UBALD1: variants seen among roughly 807,000 people sequenced by gnomAD.
The protein encoded by UBALD1 is UBA like domain containing 1.
UBALD1 carries 5 observed loss-of-function variants against 16.1 expected under a neutral mutation model. The observed-to-expected ratio is 0.31, with a 90% CI of 0.16 to 0.66. The LOEUF (loss-of-function observed/expected upper bound fraction) is 0.66, where lower values mean the gene tolerates loss of function less well. Among genes scored for constraint, UBALD1 ranks in the 30% least tolerant of loss-of-function variants. UBALD1 has a pLI of 0.77. For missense variants in UBALD1, 220 were observed against 252.8 expected, an observed-to-expected ratio of 0.87 and a Z score of 0.88; for synonymous variants, 146 against 105.3, an observed-to-expected ratio of 1.39 and a Z score of -2.37.
intron 2 of UBALD1, 36 bp from the exon 3 acceptor site, chr16:4,610,019 C>G: frequency 6.7e-7 from 1 of 1,500,936 alleles, no homozygotes; most frequent in Non-Finnish European, 9.1e-7. Flanking sequence ...GGGTGAGCAC[C>G]CCTTCCTGGA....
Position 4,609,318 on chromosome 16 carries a change from A to G in UBALD1, c.*315T>C. 2 of 275,568 alleles carry G rather than the reference A, an allele frequency of 7.3e-6. No homozygotes were observed. Among genetic ancestry groups the G allele is most frequent in the African/African-American group, 2.2e-5 (1 of 45,798 alleles). 17.1% of individuals were successfully genotyped at this position (275,568 alleles called of 1,614,324 possible). Reference sequence around the variant, plus strand: ...AATGTCTCTGCCAGGGTGGTCCTCCACGGCACCCCTGGGCTGGGCTGGGCA... The same window carrying G: ...AATGTCTCTGCCAGGGTGGTCCTCCGCGGCACCCCTGGGCTGGGCTGGGCA... On this transcript the variant is annotated 3_prime_UTR_variant, in exon 3 of 3. Transcript: ENST00000283474.
intron 1 of UBALD1, 35 bp from the exon 2 acceptor site, chr16:4,610,590 C>T (rs748211225): frequency 6.3e-7 from 1 of 1,587,516 alleles, no homozygotes; most frequent in Admixed American, 1.9e-5. Flanking sequence ...ACCCTCCAGG[C>T]CCCCGCCGGC....
chr16:4,610,487 A>G lies in UBALD1; in HGVS notation c.183+6T>C, dbSNP rs368850278. The G allele has an allele frequency of 1.9e-6, 3 of 1,602,788 alleles. No homozygotes were observed. The highest frequency in any genetic ancestry group is 2.7e-5 in the African/African-American group (2 of 74,634). On this transcript the variant is annotated splice_donor_region_variant and intron_variant, in intron 2 of 2. Coordinates refer to ENST00000283474, the MANE Select transcript of UBALD1 (RefSeq NM_145253.3). Reference sequence around the variant, plus strand: ...ATCCAGAACTGGGGACTCCGGGGACACTTACCATCTGGTGGTGATGGTGGC... The same window carrying G: ...ATCCAGAACTGGGGACTCCGGGGACGCTTACCATCTGGTGGTGATGGTGGC...
At position 4,609,600 on chromosome 16, in the gene UBALD1, G is replaced by C; in HGVS notation, c.*33C>G. On this transcript the variant is annotated 3_prime_UTR_variant, in exon 3 of 3. Coordinates refer to ENST00000283474, the MANE Select transcript of UBALD1 (RefSeq NM_145253.3). ...GACGTCCTCTCCCCCGCCCCACGGG[G>C]TCCTGGCCTCCGGGAGGGGGGAGGG... 1 of 1,023,562 alleles carries C rather than the reference G, an allele frequency of 9.8e-7. No homozygotes were observed. The highest frequency in any genetic ancestry group is 1.3e-6 in the Non-Finnish European group (1 of 749,578). The allele number at this position is 1,023,562 out of a possible 1,614,324, so 63.4% of individuals were successfully genotyped here. A position where few individuals can be genotyped will look rare whatever the true frequency, so the allele number is the denominator to read the frequency against.
At chr16:4,614,622 C>G (rs533831977) in intron 1 of UBALD1, 56 bp downstream of exon 1, 24 of 1,331,030 alleles carry the variant, frequency 1.8e-5, no homozygotes. Flanking sequence ...CCGGCGGCCA[C>G]GCGGGACACA....
intron 1 of UBALD1, among the ~76,000 whole-genome samples, chr16:4,612,745 T>C (rs995512363): frequency 6.6e-6 from 1 of 151,994 alleles, no homozygotes; most frequent in Non-Finnish European, 1.5e-5. Flanking sequence ...TGGAGAGGGA[T>C]GGGGTGGCCA....
At chr16:4,613,081 C>T (rs1240010200) in intron 1 of UBALD1, among the ~76,000 whole-genome samples, 3 of 152,158 alleles carry the variant, frequency 2.0e-5, no homozygotes, top group Non-Finnish European at 2.9e-5. Context: ...CCACCGGACA[C>T]CTACCTGCCC....
intron 1 of UBALD1, among the ~76,000 whole-genome samples, chr16:4,613,128 G>C (rs375311034): frequency 1.3e-5 from 2 of 152,152 alleles, no homozygotes; most frequent in East Asian, 3.9e-4. Flanking sequence ...GTGCAGATGT[G>C]TAACTGCCAT....
intron 1 of UBALD1, among the ~76,000 whole-genome samples, chr16:4,613,436 C>T (rs1897382279): frequency 6.6e-6 from 1 of 152,148 alleles, no homozygotes; most frequent in Admixed American, 6.5e-5. Context: ...GAGGGATGTA[C>T]TCATCTGGAT....
intron 1 of UBALD1, chr16:4,610,954 G>A (rs111795862): frequency 0.016 from 6,475 of 398,002 alleles, 79 homozygotes; most frequent in Non-Finnish European, 0.021. Flanking sequence ...CCCCGTTTCA[G>A]GAGATTCTAG....
At chr16:4,614,446 C>T in intron 1 of UBALD1, 5 of 550,694 alleles carry the variant, frequency 9.1e-6, no homozygotes, top group Non-Finnish European at 1.1e-5. Context: ...GGGGGACTCG[C>T]GGCCCCGCGG....
intron 1 of UBALD1, among the ~76,000 whole-genome samples, chr16:4,612,159 G>C (rs1897366234): frequency 6.7e-6 from 1 of 149,564 alleles, no homozygotes; most frequent in African/African-American, 2.5e-5. Flanking sequence ...TTGCCTTCTA[G>C]TTCAAGTGAT....
chr16:4,609,835 A>G lies in UBALD1; in HGVS notation c.332T>C (p.Phe111Ser). ...AGAGCTGCTGGTGGCGGCATGGGGG[A>G]AGTGTGGCGGGGGTGACGTGGCTGT... ...AATATSPPPH[F>S]PHAATSSSAA... is the part of the protein sequence containing the mutation. The change falls in exon 3 of 3, where the codon TTC (phenylalanine) becomes TCC (serine). Residue 111 changes from phenylalanine (F) to serine (S), a missense_variant. This residue lies in a region of UBALD1 where 151 missense variants were observed against 132.6 expected (regional missense o/e 1.14). Transcript: ENST00000283474. 1.3e-6 allele frequency: 2 copies of G among 1,508,974 alleles called. No individual in the cohort carries two copies. Among genetic ancestry groups the G allele is most frequent in the African/African-American group, 1.5e-5 (1 of 68,374 alleles). The allele number at this position is 1,508,974 out of a possible 1,614,324, so 93.5% of individuals were successfully genotyped here. A position where few individuals can be genotyped will look rare whatever the true frequency, so the allele number is the denominator to read the frequency against.
rs559708181 is a variant in UBALD1 at position 4,609,807 on chromosome 16, C to T, written c.360G>A (p.Ala120=). 3.8e-5 allele frequency: 57 copies of T among 1,518,942 alleles called. No homozygotes were observed. Among genetic ancestry groups the T allele is most frequent in the Middle Eastern group, 3.6e-4 (2 of 5,562 alleles). The allele number at this position is 1,518,942 out of a possible 1,614,324, so 94.1% of individuals were successfully genotyped here. ...HFPHAATSSS[A]ASSWPTAASP... ...AGGCCGCCGTGGGCCAGCTGGAGGC[C>T]GCAGAGCTGCTGGTGGCGGCATGGG... The change falls in exon 3 of 3, where the codon GCG becomes GCA. Residue 120 remains alanine (A), a synonymous_variant. Transcript: ENST00000283474.
At position 4,614,878 on chromosome 16, in the gene UBALD1, C is replaced by T. The variant is rs145628845; in HGVS notation, c.-81G>A. 1.5e-6 allele frequency: 2 copies of T among 1,328,720 alleles called. No individual in the cohort carries two copies. Among genetic ancestry groups the T allele is most frequent in the Non-Finnish European group, 2.0e-6 (2 of 1,022,888 alleles). The allele number at this position is 1,328,720 out of a possible 1,614,324, so 82.3% of individuals were successfully genotyped here. A position where few individuals can be genotyped will look rare whatever the true frequency, so the allele number is the denominator to read the frequency against. ...CGCGTCCACCATTAGCGAGCCGGCT[C>T]CGGCTAATACAAATATTTACTGTGC... is the stretch of plus-strand genomic sequence containing the variant. On this transcript the variant is annotated 5_prime_UTR_variant, in exon 1 of 3. Coordinates refer to ENST00000283474, the MANE Select transcript of UBALD1 (RefSeq NM_145253.3).
rs1218101324 is a variant in UBALD1 at position 4,614,827 on chromosome 16, C to A, written c.-30G>T. 5 of 1,480,340 alleles carry A rather than the reference C, an allele frequency of 3.4e-6. No individual in the cohort carries two copies. Among genetic ancestry groups the A allele is most frequent in the Non-Finnish European group, 4.5e-6 (5 of 1,116,254 alleles). The allele number at this position is 1,480,340 out of a possible 1,614,324, so 91.7% of individuals were successfully genotyped here. The stretch of plus-strand genomic sequence containing the variant: ...CCGCCGCGCTGCCCGCTCCGGCCTC[C>A]CTCCTCCGCCCGCGCCTCCGCCTCA... On this transcript the variant is annotated 5_prime_UTR_variant, in exon 1 of 3. Transcript: ENST00000283474.
rs571209112 is a variant in UBALD1, at chr16:4,614,571, G to A, written c.120+107C>T. The A allele has an allele frequency of 1.4e-4, 179 of 1,281,886 alleles. No homozygotes were observed. In the African/African-American group the frequency reaches 2.5e-3, roughly 18 times the overall value. 79.4% of individuals were successfully genotyped at this position (1,281,886 alleles called of 1,614,324 possible). A position where few individuals can be genotyped will look rare whatever the true frequency, so the allele number is the denominator to read the frequency against. ...AGCGGGTCGGGTCTGCGGCCCGGAGGGGGCGCACAGCCGGCACGCGTCCAC... is the reference window on the plus strand; with the variant it reads ...AGCGGGTCGGGTCTGCGGCCCGGAGAGGGCGCACAGCCGGCACGCGTCCAC... On this transcript the variant is annotated intron_variant, in intron 1 of 2. Coordinates refer to ENST00000283474, the MANE Select transcript of UBALD1 (RefSeq NM_145253.3).
chr16:4,610,481 G>C lies in UBALD1; in HGVS notation c.183+12C>G. The C allele has an allele frequency of 6.3e-7, 1 of 1,599,446 alleles. No individual in the cohort carries two copies. Among genetic ancestry groups the C allele is most frequent in the South Asian group, 1.1e-5 (1 of 88,750 alleles). On this transcript the variant is annotated intron_variant, in intron 2 of 2. Transcript: ENST00000283474. ...CGCCCAATCCAGAACTGGGGACTCC[G>C]GGGACACTTACCATCTGGTGGTGAT...
At chr16:4,611,071 G>A (rs916668776) in intron 1 of UBALD1, 4 of 200,518 alleles carry the variant, frequency 2.0e-5, no homozygotes, top group Non-Finnish European at 2.0e-5. Flanking sequence ...GCCTGGTGGT[G>A]GGGATCCCCT....
Sources: allele counts gnomAD v4.1 joint callset (sites outside exome capture counted in the v4.1 genomes callset), GRCh38; gene constraint gnomAD v4.1.1; regional missense constraint gnomAD v4.1.1; transcripts MANE v1.5; gene names NCBI Gene and HGNC (gene_info 2026-07-23, HGNC 2026-07-21).